EXOC2: variants seen among roughly 807,000 people sequenced by gnomAD.
The protein encoded by EXOC2 is exocyst complex component 2.
A neutral mutation model predicts 131.8 loss-of-function variants in EXOC2; 70 were observed. The ratio of observed to expected loss-of-function variants is 0.53; its 90% confidence interval spans 0.44 to 0.65. The LOEUF is 0.65. EXOC2 is among the 30% of genes least tolerant of loss of function. The probability of loss-of-function intolerance (pLI) is 0.00; values close to 1 mark genes in which losing one functional copy is unlikely to be tolerated. For missense variants in EXOC2, 923 were observed against 1,108.6 expected (o/e 0.83, Z 2.38); for synonymous variants, 411 against 398.4 (o/e 1.03, Z -0.38).
chr6:521,043 T>G (rs2127522678), intron 23 of EXOC2, among the ~76,000 whole-genome samples: 1 of 136,592 alleles, frequency 7.3e-6, no homozygotes, highest in South Asian at 2.4e-4. Context: ...GCGCCGACAC[T>G]CGCCGTCCAC....
intron 16 of EXOC2, among the ~76,000 whole-genome samples, chr6:563,494 T>C (rs541504260): frequency 4.1e-4 from 63 of 152,348 alleles, no homozygotes; most frequent in African/African-American, 1.4e-3. Flanking sequence ...ATTTTAGCAA[T>C]GTTCTTATTT....
chr6:598,605 C>T (rs191552238), intron 9 of EXOC2, among the ~76,000 whole-genome samples: 134 of 152,300 alleles, frequency 8.8e-4, no homozygotes, highest in Non-Finnish European at 1.6e-3. Context: ...TAAACTAAGA[C>T]TTTCTAACAG....
rs956684515 is a variant in EXOC2, at chr6:619,364, C to T, written c.536+66G>A. 1.6e-5 allele frequency: 21 copies of T among 1,303,796 alleles called. No homozygotes were observed. In the African/African-American group the frequency reaches 2.8e-4, roughly 17 times the overall value. 80.8% of individuals were successfully genotyped at this position (1,303,796 alleles called of 1,614,324 possible). A position where few individuals can be genotyped will look rare whatever the true frequency, so the allele number is the denominator to read the frequency against. On this transcript the variant is annotated intron_variant, in intron 5 of 27. Coordinates refer to ENST00000230449, the MANE Select transcript of EXOC2 (RefSeq NM_018303.6). ...AGAGCCAGACCTAAAACTCGAGTTA[C>T]CGTGTAATTCCATCTTTAGCATCTG...
chr6:497,217 G>A, intron 25 of EXOC2, 150 bp downstream of exon 25: 1 of 641,288 alleles, frequency 1.6e-6, no homozygotes. Flanking sequence ...ATGCTTCATG[G>A]GTATGGCTTA....
chr6:521,733 G>A (rs1421589510), intron 23 of EXOC2, among the ~76,000 whole-genome samples: 3 of 151,950 alleles, frequency 2.0e-5, no homozygotes, highest in Admixed American at 1.3e-4. Flanking sequence ...TCACTATGTT[G>A]CCCAGGTTGG....
At chr6:689,953 A>G (rs911389829) in intron 1 of EXOC2, among the ~76,000 whole-genome samples, 3 of 152,232 alleles carry the variant, frequency 2.0e-5, no homozygotes, top group African/African-American at 7.2e-5. Flanking sequence ...AACAGTCCAA[A>G]GCATCTAAGC....
intron 4 of EXOC2, among the ~76,000 whole-genome samples, chr6:621,482 T>G (rs1415949838): frequency 1.3e-5 from 2 of 152,270 alleles, no homozygotes; most frequent in Non-Finnish European, 2.9e-5. Context: ...CAAAGTCTAA[T>G]GCCTACTGCG....
At chr6:501,797 G>C (rs1219623205) in intron 23 of EXOC2, among the ~76,000 whole-genome samples, 1 of 149,292 alleles carries the variant, frequency 6.7e-6, no homozygotes, top group East Asian at 1.9e-4. Context: ...AGATGGCTGA[G>C]TGAAGAGTAA....
chr6:692,875 C>T (rs905682579), intron 1 of EXOC2, 144 bp downstream of exon 1: 4 of 149,594 alleles, frequency 2.7e-5, no homozygotes, highest in African/African-American at 2.4e-5. Flanking sequence ...GTCGCGGGGC[C>T]CCGCAGGTGA....
At chr6:576,913 T>A (rs377471529) in intron 11 of EXOC2, 31 bp from the exon 12 acceptor site, 39 of 1,609,048 alleles carry the variant, frequency 2.4e-5, no homozygotes, top group Non-Finnish European at 3.2e-5. Context: ...ATACAGAGTA[T>A]ATAGCATGCT....
At position 613,890 on chromosome 6, in the gene EXOC2, A is replaced by G. The variant is rs555728240; in HGVS notation, c.662-3712T>C. Among the ~76,000 whole-genome samples, 6 of 151,988 alleles carry G rather than the reference A, an allele frequency of 3.9e-5. No homozygotes were observed. The South Asian group carries it at 1.2e-3, about 31-fold the overall frequency. The stretch of plus-strand genomic sequence containing the variant: ...AAAACTTAAAGTATAATTTAAATAA[A>G]TAAATAAATAAAATAAAATAATAAA... On this transcript the variant is annotated intron_variant, in intron 6 of 27. Transcript: ENST00000230449.
chr6:691,415 T>C (rs536141886), intron 1 of EXOC2, among the ~76,000 whole-genome samples: 1 of 152,214 alleles, frequency 6.6e-6, no homozygotes, highest in African/African-American at 2.4e-5. Flanking sequence ...CCTGAGAAAA[T>C]CCCTCCTCTT....
At chr6:539,802 T>G (rs1027303066) in intron 22 of EXOC2, among the ~76,000 whole-genome samples, 1 of 152,222 alleles carries the variant, frequency 6.6e-6, no homozygotes, top group Non-Finnish European at 1.5e-5. Context: ...CATTAGAACA[T>G]CTATCCAAGT....
chr6:507,284 C>G (rs1764612456), intron 23 of EXOC2, among the ~76,000 whole-genome samples: 1 of 121,116 alleles, frequency 8.3e-6, no homozygotes, highest in Admixed American at 9.0e-5. Context: ...CACACACACA[C>G]AGCAGTGACT....
intron 1 of EXOC2, among the ~76,000 whole-genome samples, chr6:664,471 G>A (rs541183845): frequency 1.3e-5 from 2 of 152,196 alleles, no homozygotes; most frequent in African/African-American, 2.4e-5. Flanking sequence ...AAAAGAGCCC[G>A]CATAGCCAAA....
At position 488,987 on chromosome 6, in the gene EXOC2, T is replaced by G. The variant is rs770307599; in HGVS notation, c.2673A>C (p.Ala891=). The G allele has an allele frequency of 4.3e-6, 7 of 1,614,064 alleles. No individual in the cohort carries two copies. The highest frequency in any genetic ancestry group is 5.9e-6 in the Non-Finnish European group (7 of 1,179,952). The part of the protein sequence containing the change: ...LEALPQLSSG[A]DKKLLEELLN... Reference sequence around the variant, plus strand: ...CAGCACACAGGACTTACTTTTTATCTGCTCCACTGGAAAGCTGGGGCAGGG... The same window carrying G: ...CAGCACACAGGACTTACTTTTTATCGGCTCCACTGGAAAGCTGGGGCAGGG... The change falls in exon 27 of 28, where the codon GCA becomes GCC. Residue 891 remains alanine (A), a synonymous_variant. Transcript: ENST00000230449.
At chr6:504,118 T>G (rs1180801204) in intron 23 of EXOC2, among the ~76,000 whole-genome samples, 1 of 152,218 alleles carries the variant, frequency 6.6e-6, no homozygotes, top group Non-Finnish European at 1.5e-5. Context: ...AGCCACGTGC[T>G]TTCCCGACTG....
intron 22 of EXOC2, among the ~76,000 whole-genome samples, chr6:547,300 T>G (rs1284010111): frequency 6.6e-6 from 1 of 152,230 alleles, no homozygotes; most frequent in Non-Finnish European, 1.5e-5. Flanking sequence ...ATGCCTTTCC[T>G]GGCGTAAGTA....
At chr6:487,300 G>GAGTT (rs1763129422) in intron 27 of EXOC2, among the ~76,000 whole-genome samples, 1 of 139,248 alleles carries the variant, frequency 7.2e-6, no homozygotes, top group African/African-American at 2.5e-5. Context: ...CGAAAGCAGT[G>GAGTT]AGTTAACCAC....
Sources: gnomAD v4.1 joint callset for allele counts (sites outside exome capture counted in the v4.1 genomes callset) on GRCh38, gnomAD v4.1.1 for gene constraint, MANE v1.5 for transcripts, NCBI Gene and HGNC (gene_info 2026-07-23, HGNC 2026-07-21) for gene names.